COL9A3: variants seen among roughly 807,000 people sequenced by gnomAD.
The protein encoded by COL9A3 is collagen type IX alpha 3 chain, also known as collagen alpha-3(IX) chain.
In COL9A3, 82 loss-of-function variants were observed where a neutral mutation model predicts 110.2. The ratio of observed to expected loss-of-function variants is 0.74; its 90% CI spans 0.62 to 0.89. COL9A3 has a LOEUF of 0.89. Ranked by LOEUF, COL9A3 falls within the 40% of genes least tolerant of loss-of-function variation. The pLI is 0.00. For synonymous variants in COL9A3, 494 were observed against 403.8 expected, an observed-to-expected ratio of 1.22 and a Z score of -2.68; for missense variants, 1,066 against 981.3, an observed-to-expected ratio of 1.09 and a Z score of -1.15.
intron 10 of COL9A3, 127 bp downstream of exon 10, chr20:62,822,759 G>C: frequency 9.9e-7 from 1 of 1,011,192 alleles, no homozygotes; most frequent in Non-Finnish European, 1.5e-6. Context: ...CTGGGGACAG[G>C]AGCTCAGAGC....
intron 24 of COL9A3, 82 bp downstream of exon 24, chr20:62,830,670 CA>C (rs1275917752): frequency 1.4e-6 from 1 of 727,132 alleles, no homozygotes. Flanking sequence ...GACAGTCCCC[CA>C]ACCCCCACCA....
chr20:62,840,878 C>A lies in COL9A3; in HGVS notation c.*146C>A. 1 of 827,778 alleles carries A rather than the reference C, an allele frequency of 1.2e-6. No individual in the cohort carries two copies. Among genetic ancestry groups the A allele is most frequent in the Non-Finnish European group, 2.0e-6 (1 of 507,886 alleles). 51.3% of individuals were successfully genotyped at this position (827,778 alleles called of 1,614,324 possible). ...CCGCCGACTGGACGCGCGGGCCTTGCCAGCGAGCACCCTCATCGGGCTGTC... is the reference window on the plus strand; with the variant it reads ...CCGCCGACTGGACGCGCGGGCCTTGACAGCGAGCACCCTCATCGGGCTGTC... On this transcript the variant is annotated 3_prime_UTR_variant, in exon 32 of 32. Coordinates refer to ENST00000649368, the MANE Select transcript of COL9A3 (RefSeq NM_001853.4).
intron 3 of COL9A3, 119 bp downstream of exon 3, chr20:62,818,672 G>GCCTCCCCTC: frequency 9.7e-7 from 1 of 1,027,878 alleles, no homozygotes; most frequent in Non-Finnish European, 1.5e-6. Context: ...TGCCTGAGGG[G>GCCTCCCCTC]AGGCCTCAGA....
intron 31 of COL9A3, among the ~76,000 whole-genome samples, chr20:62,839,630 C>G (rs2063659469): frequency 6.6e-6 from 1 of 151,810 alleles, no homozygotes; most frequent in Non-Finnish European, 1.5e-5. Context: ...CGCACTCACA[C>G]TGCTCTCTGG....
At chr20:62,831,178 G>A (rs2063594680) in intron 24 of COL9A3, 1 of 152,300 alleles carries the variant, frequency 6.6e-6, no homozygotes, top group African/African-American at 2.4e-5. Flanking sequence ...GACTGTAACG[G>A]TCACAGCTTC....
At chr20:62,835,826 T>A in intron 26 of COL9A3, 95 bp from the exon 27 acceptor site, 2 of 1,210,206 alleles carry the variant, frequency 1.7e-6, no homozygotes, top group Admixed American at 3.4e-5. Context: ...TAATAGCAGG[T>A]GTGTGGATGA....
Position 62,827,306 on chromosome 20 carries a change from G to A in COL9A3, c.846+12G>A, listed in dbSNP as rs865977954. The stretch of plus-strand genomic sequence containing the variant: ...CCAAGGGTGACCTCGTAAGTGAGAG[G>A]GAAGTTGGTTCCCTGGGTCCTTATG... On this transcript the variant is annotated intron_variant, in intron 16 of 31. Transcript: ENST00000649368. 6.2e-6 allele frequency: 10 copies of A among 1,612,740 alleles called. No individual in the cohort carries two copies. The highest frequency in any genetic ancestry group is 1.7e-5 in the Admixed American group (1 of 60,002).
Position 62,837,162 on chromosome 20 carries a change from C to A in COL9A3, c.1683C>A (p.Pro561=). Residue 561 remains proline (P), a synonymous_variant, in exon 30 of 32, where the codon CCC becomes CCA. Coordinates refer to ENST00000649368, the MANE Select transcript of COL9A3 (RefSeq NM_001853.4). ...GSIGRPGPAG[P]PGPPGPPGSI... The stretch of plus-strand genomic sequence containing the variant: ...TTGGTCGGCCCGGTCCAGCTGGCCC[C>A]CCTGGGCCCCCAGGACCCCCAGGCT... 1 of 1,612,970 alleles carries A rather than the reference C, an allele frequency of 6.2e-7. No individual in the cohort carries two copies. The highest frequency in any genetic ancestry group is 8.5e-7 in the Non-Finnish European group (1 of 1,179,824).
rs111732373 is a variant in COL9A3, at chr20:62,838,696, A to G, written c.1799A>G (p.Asp600Gly). ...CACCTCGTGACAGGAAACCAGGGTG[A>G]CAGAGGAGACAAAGGCGCGGCAGGA... ...GDPGPRGNQG[D>G]RGDKGAAGAG... The change falls in exon 31 of 32, where the codon GAC becomes GGC. Residue 600 changes from aspartate to glycine, a missense_variant. Asp to Gly is a moderately conservative substitution (Grantham distance 94). Transcript: ENST00000649368. 11 of 1,552,712 alleles carry G rather than the reference A, an allele frequency of 7.1e-6. No individual in the cohort carries two copies. The South Asian group carries it at 1.3e-4, about 18-fold the overall frequency.
In COL9A3 at chr20:62,832,324, G is replaced by A. The variant is rs1010712164; in HGVS notation, c.1323+135G>A. 4 of 895,406 alleles carry A rather than the reference G, an allele frequency of 4.5e-6. No homozygotes were observed. In the Admixed American group the frequency reaches 8.2e-5, roughly 18 times the overall value. The allele number at this position is 895,406 out of a possible 1,614,324, so 55.5% of individuals were successfully genotyped here. On this transcript the variant is annotated intron_variant, in intron 25 of 31. Transcript: ENST00000649368. ...CCTCCTTTCTCCTCTTGCCGTGTCT[G>A]TCAGTCGCCCTTTCTGGCTCCTGCC...
intron 31 of COL9A3, among the ~76,000 whole-genome samples, 154 bp downstream of exon 31, chr20:62,838,915 C>T (rs1338652001): frequency 6.6e-6 from 1 of 152,170 alleles, no homozygotes; most frequent in Non-Finnish European, 1.5e-5. Flanking sequence ...GTCTCAATAA[C>T]CACTTTAATA....
At chr20:62,818,050 G>A (rs1990993387) in intron 2 of COL9A3, among the ~76,000 whole-genome samples, 1 of 152,150 alleles carries the variant, frequency 6.6e-6, no homozygotes, top group Non-Finnish European at 1.5e-5. Flanking sequence ...CTGAGATGAT[G>A]TCCCCTATGG....
chr20:62,838,861 C>T (rs1054813835), intron 31 of COL9A3, 100 bp downstream of exon 31: 2 of 947,860 alleles, frequency 2.1e-6, no homozygotes, highest in African/African-American at 3.2e-5. Flanking sequence ...GGTCTCTTTT[C>T]CTCTTCTCTT....
chr20:62,816,582 C>T (rs900440328), upstream of COL9A3, among the ~76,000 whole-genome samples: 1 of 152,118 alleles, frequency 6.6e-6, no homozygotes, highest in Non-Finnish European at 1.5e-5. Context: ...CTGACCGGGC[C>T]CTGGTACCGG....
intron 6 of COL9A3, 61 bp downstream of exon 6, chr20:62,821,277 C>A: frequency 6.4e-7 from 1 of 1,555,036 alleles, no homozygotes; most frequent in Non-Finnish European, 8.8e-7. Flanking sequence ...AGAGTCTGGT[C>A]TAAATGGGGT....
rs1001934417 is a variant in COL9A3, at chr20:62,821,045, C to G, written c.310-136C>G. 7 of 891,842 alleles carry G rather than the reference C, an allele frequency of 7.8e-6. No homozygotes were observed. The Admixed American group carries it at 1.2e-4, about 15-fold the overall frequency. The allele number at this position is 891,842 out of a possible 1,614,324, so 55.2% of individuals were successfully genotyped here. On this transcript the variant is annotated intron_variant, in intron 5 of 31. Transcript: ENST00000649368. ...CTCCAGGTCAAGAGGGCTCAGAGGC[C>G]CTGCCCCTCTGTGAAGTGGGGACTT...
At chr20:62,839,819 C>G (rs899098063) in intron 31 of COL9A3, among the ~76,000 whole-genome samples, 6 of 151,834 alleles carry the variant, frequency 4.0e-5, no homozygotes, top group African/African-American at 1.5e-4. Flanking sequence ...TCCATGCACG[C>G]ACGCTGCTCT....
At chr20:62,822,295 G>T in intron 9 of COL9A3, 131 bp downstream of exon 9, 1 of 744,110 alleles carries the variant, frequency 1.3e-6, no homozygotes, top group South Asian at 1.5e-5. Context: ...CCACTCCCAG[G>T]AACAGTCAAT....
chr20:62,839,655 TCTCCTCTC>T (rs1568767837), intron 31 of COL9A3, among the ~76,000 whole-genome samples: 12 of 144,358 alleles, frequency 8.3e-5, no homozygotes, highest in Non-Finnish European at 1.5e-4. Context: ...CCTGGAGCCC[TCTCCTCTC>T]CTCCACCCAC....
Sources: allele counts gnomAD v4.1 joint callset (sites outside exome capture counted in the v4.1 genomes callset), GRCh38; gene constraint gnomAD v4.1.1; transcripts MANE v1.5; gene names NCBI Gene and HGNC (gene_info 2026-07-23, HGNC 2026-07-21).